Variants in CRYM observed in about 807,000 individuals in gnomAD.
The protein encoded by CRYM is crystallin mu, also known as ketimine reductase mu-crystallin.
A neutral mutation model predicts 32.9 loss-of-function variants in CRYM; 18 were observed. That is an observed-to-expected ratio of 0.55 (90% CI 0.38 to 0.81). CRYM has a LOEUF of 0.81. Among genes scored for constraint, CRYM ranks in the 30% least tolerant of loss-of-function variants. The pLI is 0.00. For synonymous variants in CRYM, 153 were observed against 152.4 expected (o/e 1.00, Z -0.03); for missense variants, 337 against 393.5 (o/e 0.86, Z 1.21).
chr16:21,262,010 C>T, intron 6 of CRYM, 27 bp downstream of exon 6: 10 of 1,613,304 alleles, frequency 6.2e-6, no homozygotes, highest in Non-Finnish European at 8.5e-6. Context: ...CAGGTGGCAG[C>T]CCTGACTGGG....
chr16:21,290,430 G>T (rs35088287), intron 1 of CRYM, among the ~76,000 whole-genome samples: 1 of 151,980 alleles, frequency 6.6e-6, no homozygotes, highest in Non-Finnish European at 1.5e-5. Context: ...GAAGAAACTC[G>T]GGACACATCT....
Position 21,269,824 on chromosome 16 carries a change from T to C in CRYM, c.455A>G (p.Tyr152Cys), listed in dbSNP as rs1476966617. 3.0e-6 allele frequency: 4 copies of C among 1,322,618 alleles called. No homozygotes were observed. The highest frequency in any genetic ancestry group is 4.1e-6 in the Non-Finnish European group (4 of 981,412). The allele number at this position is 1,322,618 out of a possible 1,614,324, so 81.9% of individuals were successfully genotyped here. The change falls in exon 4 of 8, where the codon TAT (tyrosine) becomes TGT (cysteine). Residue 152 changes from tyrosine to cysteine, a missense_variant. Physicochemically the swap from Tyr to Cys is radical, Grantham distance 194. Transcript: ENST00000572914. ...GGAGAACTGCTCTGTGAAGATCTCA[T>C]AATGGCTGTAGGCCTGGACCCCAGC... ...LGAGVQAYSH[Y>C]EIFTEQFSFK...
chr16:21,265,067 A>T (rs1448258228), intron 5 of CRYM, among the ~76,000 whole-genome samples: 6 of 152,182 alleles, frequency 3.9e-5, no homozygotes, highest in Non-Finnish European at 5.9e-5. Flanking sequence ...TGAAAAAAAA[A>T]TCAAGTCCAT....
chr16:21,266,349 T>C (rs2093363605), intron 5 of CRYM, among the ~76,000 whole-genome samples: 1 of 152,208 alleles, frequency 6.6e-6, no homozygotes, highest in Non-Finnish European at 1.5e-5. Context: ...AAGTTGGTTA[T>C]AAGTATTAAA....
chr16:21,302,445 A>G (rs965495600), intron 1 of CRYM, among the ~76,000 whole-genome samples: 1 of 152,256 alleles, frequency 6.6e-6, no homozygotes, highest in Non-Finnish European at 1.5e-5. Context: ...TTGTGAAAGC[A>G]TAAATTACAC....
chr16:21,261,096 T>C (rs2093353481), intron 7 of CRYM, 158 bp downstream of exon 7: 2 of 700,526 alleles, frequency 2.9e-6, no homozygotes, highest in East Asian at 2.7e-5. Flanking sequence ...CCAGAGTTCA[T>C]GGGCTTAGCA....
intron 1 of CRYM, among the ~76,000 whole-genome samples, chr16:21,296,796 G>T (rs1182786232): frequency 6.6e-6 from 1 of 151,994 alleles, no homozygotes; most frequent in African/African-American, 2.4e-5. Context: ...GGATCATGAG[G>T]TCAGGAGATC....
intron 4 of CRYM, among the ~76,000 whole-genome samples, chr16:21,269,048 G>C (rs2093369512): frequency 6.7e-6 from 1 of 150,264 alleles, no homozygotes; most frequent in Non-Finnish European, 1.5e-5. Flanking sequence ...GGAGGCTGAG[G>C]CCCAAGAATC....
At chr16:21,279,320 G>C (rs1260490574), upstream of CRYM, among the ~76,000 whole-genome samples, 1 of 152,152 alleles carries the variant, frequency 6.6e-6, no homozygotes, top group South Asian at 2.1e-4. Context: ...TTTAGTTCAA[G>C]GTCATCCACC....
chr16:21,294,328 A>G (rs1346323894), intron 1 of CRYM, among the ~76,000 whole-genome samples: 2 of 152,120 alleles, frequency 1.3e-5, no homozygotes, highest in Non-Finnish European at 2.9e-5. Flanking sequence ...ATTTATTCGC[A>G]AATTATTATT....
At chr16:21,296,886 G>A (rs894142985) in intron 1 of CRYM, among the ~76,000 whole-genome samples, 1 of 152,036 alleles carries the variant, frequency 6.6e-6, no homozygotes, top group Non-Finnish European at 1.5e-5. Context: ...GCAGACACTT[G>A]TAGTCCTAGC....
At chr16:21,285,447 T>G (rs2093405830) in intron 1 of CRYM, among the ~76,000 whole-genome samples, 1 of 152,206 alleles carries the variant, frequency 6.6e-6, no homozygotes, top group African/African-American at 2.4e-5. Flanking sequence ...TGCCAGAAAG[T>G]GACATTCTTT....
chr16:21,270,292 CT>C lies in CRYM; in HGVS notation c.388-402del, dbSNP rs920452894. Among the ~76,000 whole-genome samples, 8 of 149,784 alleles carry C rather than the reference CT, an allele frequency of 5.3e-5. 1 individual carries two copies. Among genetic ancestry groups the C allele is most frequent in the African/African-American group, 9.7e-5 (4 of 41,168 alleles). ...TTCTTTTTCTTTCTTTCTTTCTTTT[CT>C]TTTTTTTTGAGATGGAGTCTCGCTC... On this transcript the variant is annotated intron_variant, in intron 3 of 7. Transcript: ENST00000572914.
At chr16:21,302,619 T>C (rs1031855304) in intron 1 of CRYM, among the ~76,000 whole-genome samples, 2 of 152,160 alleles carry the variant, frequency 1.3e-5, no homozygotes, top group African/African-American at 4.8e-5. Flanking sequence ...GGAAGCATAC[T>C]GAGTTGTTTG....
intron 1 of CRYM, among the ~76,000 whole-genome samples, chr16:21,288,014 G>A (rs1207987193): frequency 5.9e-5 from 9 of 152,206 alleles, no homozygotes; most frequent in Non-Finnish European, 7.3e-5. Flanking sequence ...AACCCATGGA[G>A]TCTGTGCTAA....
chr16:21,264,501 G>T (rs1282746058), intron 5 of CRYM, among the ~76,000 whole-genome samples: 2 of 152,156 alleles, frequency 1.3e-5, no homozygotes, highest in East Asian at 3.9e-4. Context: ...AGGGTGTGGG[G>T]GCAGGAGGAG....
chr16:21,259,622 C>T (rs1022199627), intron 7 of CRYM, among the ~76,000 whole-genome samples: 1 of 152,062 alleles, frequency 6.6e-6, no homozygotes, highest in East Asian at 1.9e-4. Context: ...AATATTTTCT[C>T]CCCCCATTCA....
chr16:21,274,951 C>T (rs1035286562), intron 3 of CRYM, among the ~76,000 whole-genome samples: 4 of 152,132 alleles, frequency 2.6e-5, no homozygotes, highest in Non-Finnish European at 5.9e-5. Flanking sequence ...CTGTGTGTGC[C>T]CCTCTGTTTT....
chr16:21,301,167 A>C (rs936805483), intron 1 of CRYM: 3 of 152,298 alleles, frequency 2.0e-5, no homozygotes, highest in African/African-American at 2.4e-5. Flanking sequence ...GACCCTGAGG[A>C]GCAGCGGCTC....
Sources: allele counts gnomAD v4.1 joint callset (sites outside exome capture counted in the v4.1 genomes callset), GRCh38; gene constraint gnomAD v4.1.1; transcripts MANE v1.5; gene names NCBI Gene and HGNC (gene_info 2026-07-23, HGNC 2026-07-21).